ASAP2: variants seen among roughly 807,000 people sequenced by gnomAD.
ASAP2 encodes ArfGAP with SH3 domain, ankyrin repeat and PH domain 2, also known as arf-GAP with SH3 domain, ANK repeat and PH domain-containing protein 2.
Under a neutral mutation model 131.4 loss-of-function variants are expected in ASAP2, and 45 were observed. That is an observed-to-expected ratio of 0.34 (90% CI 0.27 to 0.44). The LOEUF (loss-of-function observed/expected upper bound fraction) is 0.44. ASAP2 is among the 20% of genes least tolerant of loss of function. ASAP2 has a pLI of 1.00. For missense variants in ASAP2, 1,011 were observed against 1,297.0 expected (o/e 0.78, Z 3.39); for synonymous variants, 510 against 503.0 (o/e 1.01, Z -0.19).
chr2:9,267,442 A>G (rs971329356), intron 1 of ASAP2, among the ~76,000 whole-genome samples: 1 of 152,160 alleles, frequency 6.6e-6, no homozygotes, highest in African/African-American at 2.4e-5. Context: ...TAGGGCCTGC[A>G]GCTGCATCCA....
At chr2:9,390,984 T>C (rs999111847) in intron 22 of ASAP2, 78 bp from the exon 23 acceptor site, 4 of 1,604,804 alleles carry the variant, frequency 2.5e-6, no homozygotes, top group Non-Finnish European at 3.4e-6. Context: ...AATAACGCAG[T>C]GTTCTGTTTC....
At chr2:9,218,075 A>G (rs1662177361) in intron 1 of ASAP2, among the ~76,000 whole-genome samples, 1 of 152,176 alleles carries the variant, frequency 6.6e-6, no homozygotes, top group Non-Finnish European at 1.5e-5. Flanking sequence ...CAGGTTCCAC[A>G]TCCCACAACC....
At position 9,269,252 on chromosome 2, in the gene ASAP2, C is replaced by CG. The variant is rs201848669; in HGVS notation, c.127-10058dup. Among the ~76,000 whole-genome samples the CG allele has an allele frequency of 8.9e-3, 1,295 of 145,034 alleles. 10 individuals carry two copies. Among genetic ancestry groups the CG allele is most frequent in the Middle Eastern group, 0.029 (8 of 276 alleles). ...TAAGGGGAAGAGAGGAATTATTTTG[C>CG]GGGGGGGAGGGGGCGCGCATAACAT... On this transcript the variant is annotated intron_variant, in intron 1 of 27. Transcript: ENST00000281419.
rs562734573 is a variant in ASAP2 at position 9,305,390 on chromosome 2, G to A, written c.345+7945G>A. On this transcript the variant is annotated intron_variant, in intron 3 of 27. Coordinates refer to ENST00000281419, the MANE Select transcript of ASAP2 (RefSeq NM_003887.3). ...GAGCAGTGAGGTATAGATATTGGTG[G>A]AGGGGCTGTAATAGTGGGGTATAGA... Among the ~76,000 whole-genome samples, 63 of 144,422 alleles carry A rather than the reference G, an allele frequency of 4.4e-4. 2 individuals carry two copies. The highest frequency in any genetic ancestry group is 1.6e-3 in the African/African-American group (62 of 38,590). The allele number at this position is 144,422 out of a possible 152,430, so 94.7% of individuals were successfully genotyped here. A position where few individuals can be genotyped will look rare whatever the true frequency, so the allele number is the denominator to read the frequency against.
intron 1 of ASAP2, among the ~76,000 whole-genome samples, chr2:9,246,547 C>G (rs538764865): frequency 6.6e-6 from 1 of 152,170 alleles, no homozygotes; most frequent in Non-Finnish European, 1.5e-5. Flanking sequence ...CTTGGCCTCC[C>G]ATGCCAGGAT....
At chr2:9,224,935 T>G (rs1296588302) in intron 1 of ASAP2, among the ~76,000 whole-genome samples, 1 of 152,138 alleles carries the variant, frequency 6.6e-6, no homozygotes, top group East Asian at 1.9e-4. Context: ...TCTTGTCTTC[T>G]GTAGAGTGGG....
intron 15 of ASAP2, among the ~76,000 whole-genome samples, chr2:9,364,344 CAA>C (rs1015768553): frequency 2.8e-5 from 4 of 141,212 alleles, no homozygotes; most frequent in African/African-American, 5.2e-5. Flanking sequence ...CCCATCTCTA[CAA>C]AAAAAAAAAA....
intron 24 of ASAP2, among the ~76,000 whole-genome samples, chr2:9,393,980 T>TC (rs1675924119): frequency 6.6e-6 from 1 of 152,160 alleles, no homozygotes; most frequent in Non-Finnish European, 1.5e-5. Flanking sequence ...ACATAGACCC[T>TC]CTGTGGTGTG....
Position 9,220,202 on chromosome 2 carries a change from C to T in ASAP2, c.126+12972C>T, listed in dbSNP as rs148458025. Among the ~76,000 whole-genome samples, 25 of 152,292 alleles carry T rather than the reference C, an allele frequency of 1.6e-4. 1 individual carries two copies. In the East Asian group the frequency reaches 4.2e-3, roughly 26 times the overall value. On this transcript the variant is annotated intron_variant, in intron 1 of 27. Coordinates refer to ENST00000281419, the MANE Select transcript of ASAP2 (RefSeq NM_003887.3). ...ATTTTTGTGTAGACATATGTTTTCA[C>T]TTCTCTTGGGTATATACCTAGGAGT...
rs374849192 is a variant in ASAP2, at chr2:9,401,268, A to G, written c.2824-6A>G. The G allele has an allele frequency of 1.6e-5, 26 of 1,613,120 alleles. No homozygotes were observed. The highest frequency in any genetic ancestry group is 2.2e-5 in the Non-Finnish European group (26 of 1,179,862). ...ACACTAACCGTTGTTCCCTCTCCTG[A>G]CCCAGACCAAGTTGAAGCCTAAGCG... On this transcript the variant is annotated splice_region_variant and splice_polypyrimidine_tract_variant and intron_variant, in intron 26 of 27. Transcript: ENST00000281419.
chr2:9,237,033 G>A (rs1298397073), intron 1 of ASAP2, among the ~76,000 whole-genome samples: 3 of 152,234 alleles, frequency 2.0e-5, no homozygotes, highest in African/African-American at 7.2e-5. Context: ...TGAGGCCATG[G>A]CCAAGGGGAG....
intron 24 of ASAP2, among the ~76,000 whole-genome samples, chr2:9,397,181 G>A (rs1279535430): frequency 6.6e-6 from 1 of 152,106 alleles, no homozygotes; most frequent in Non-Finnish European, 1.5e-5. Context: ...GACTCCCTGG[G>A]ATTTACGCTT....
At chr2:9,297,278 C>T (rs762007216) in intron 2 of ASAP2, 22 bp from the exon 3 acceptor site, 1 of 1,609,544 alleles carries the variant, frequency 6.2e-7, no homozygotes, top group Admixed American at 1.7e-5. Flanking sequence ...AGACTCACAG[C>T]ACCTCCGTCA....
At chr2:9,367,026 A>C (rs1380521946) in intron 15 of ASAP2, among the ~76,000 whole-genome samples, 1 of 136,576 alleles carries the variant, frequency 7.3e-6, no homozygotes, top group Non-Finnish European at 1.5e-5. Context: ...TTGCCTGCAT[A>C]ATTTTTTTTT....
At chr2:9,384,500 C>T (rs1675107388) in intron 20 of ASAP2, among the ~76,000 whole-genome samples, 1 of 152,246 alleles carries the variant, frequency 6.6e-6, no homozygotes, top group Non-Finnish European at 1.5e-5. Context: ...CCACCCCAGA[C>T]ACCAGTCACA....
At chr2:9,254,271 G>A (rs1401694121) in intron 1 of ASAP2, among the ~76,000 whole-genome samples, 4 of 110,902 alleles carry the variant, frequency 3.6e-5, no homozygotes, top group Non-Finnish European at 7.0e-5. Context: ...GTGTGTGTAT[G>A]CATATATATA....
At position 9,290,471 on chromosome 2, in the gene ASAP2, A is replaced by G. The variant is rs779599133; in HGVS notation, c.200-6829A>G. Among the ~76,000 whole-genome samples the G allele has an allele frequency of 2.2e-4, 33 of 152,144 alleles. 1 individual carries two copies. Among genetic ancestry groups the G allele is most frequent in the Non-Finnish European group, 1.0e-4 (7 of 67,998 alleles). On this transcript the variant is annotated intron_variant, in intron 2 of 27. Transcript: ENST00000281419. Reference sequence around the variant, plus strand: ...GAGATCTGCCCATCTCGGCCTCCCAAAGTGCTGGGATTACAGGCGTGAGCC... The same window carrying G: ...GAGATCTGCCCATCTCGGCCTCCCAGAGTGCTGGGATTACAGGCGTGAGCC...
intron 1 of ASAP2, among the ~76,000 whole-genome samples, chr2:9,270,831 C>T (rs1215318551): frequency 1.2e-4 from 14 of 113,568 alleles, no homozygotes; most frequent in African/African-American, 2.8e-4. Flanking sequence ...CTCGCTCCGT[C>T]GCCCAGGCTG....
At chr2:9,262,369 C>G (rs923469631) in intron 1 of ASAP2, among the ~76,000 whole-genome samples, 11 of 152,070 alleles carry the variant, frequency 7.2e-5, no homozygotes, top group Non-Finnish European at 1.6e-4. Flanking sequence ...CTAGCCTCTC[C>G]GAGAACTGGA....
Sources: gnomAD v4.1 joint callset for allele counts (sites outside exome capture counted in the v4.1 genomes callset) on GRCh38, gnomAD v4.1.1 for gene constraint, MANE v1.5 for transcripts, NCBI Gene and HGNC (gene_info 2026-07-23, HGNC 2026-07-21) for gene names.